The following ARHGEF18 variants were observed in gnomAD, a reference collection of about 807,000 sequenced individuals.
ARHGEF18 encodes Rho/Rac guanine nucleotide exchange factor 18, also known as rho guanine nucleotide exchange factor 18.
Under a neutral mutation model 155.7 loss-of-function variants are expected in ARHGEF18, and 93 were observed. The ratio of observed to expected loss-of-function variants is 0.60; its 90% confidence interval spans 0.50 to 0.71. The LOEUF is 0.71. Ranked by LOEUF, ARHGEF18 falls within the 30% of genes least tolerant of loss-of-function variation. The pLI is 0.00. For missense variants in ARHGEF18, 1,593 were observed against 1,816.1 expected, an observed-to-expected ratio of 0.88 and a Z score of 2.23; for synonymous variants, 742 against 753.1, an observed-to-expected ratio of 0.99 and a Z score of 0.24.
intron 27 of ARHGEF18, 87 bp downstream of exon 27, chr19:7,469,218 C>T (rs1228485024): frequency 3.5e-6 from 5 of 1,414,694 alleles, no homozygotes; most frequent in Non-Finnish European, 4.7e-6. Flanking sequence ...AAATTCGGGA[C>T]ACCTGTGCCA....
intron 7 of ARHGEF18, among the ~76,000 whole-genome samples, chr19:7,379,519 A>AT (rs1568280595): frequency 2.0e-5 from 3 of 152,188 alleles, no homozygotes; most frequent in African/African-American, 7.2e-5. Context: ...AGACTGCACC[A>AT]TTGTACTCCA....
chr19:7,400,133 A>G (rs991483265), intron 10 of ARHGEF18, among the ~76,000 whole-genome samples: 6 of 152,194 alleles, frequency 3.9e-5, no homozygotes, highest in Non-Finnish European at 8.8e-5. Flanking sequence ...CACTAACAGT[A>G]CACGTTTAAC....
Position 7,440,577 on chromosome 19 carries a change from T to C in ARHGEF18, c.1106+95T>C. ...TCGGAGGGAGACCCCGACTTAGATCTGTGTGAATCCACACGGCAGCCCCCG... is the reference window on the plus strand; with the variant it reads ...TCGGAGGGAGACCCCGACTTAGATCCGTGTGAATCCACACGGCAGCCCCCG... On this transcript the variant is annotated intron_variant, in intron 11 of 28. Coordinates refer to ENST00000668164, the MANE Select transcript of ARHGEF18 (RefSeq NM_001367823.1). The surrounding 1 kb of genome is among the most constrained non-coding windows in gnomAD (Gnocchi z 5.4). 2.1e-6 allele frequency: 3 copies of C among 1,397,994 alleles called. No individual in the cohort carries two copies. Among genetic ancestry groups the C allele is most frequent in the Non-Finnish European group, 2.9e-6 (3 of 1,044,788 alleles). 86.6% of individuals were successfully genotyped at this position (1,397,994 alleles called of 1,614,324 possible).
Position 7,444,187 on chromosome 19 carries a change from C to A in ARHGEF18, c.1361-17C>A. ...TGGAGCCAGCATGGCTAAGTCCTGC[C>A]GTCTGTGTCCCTGCAGAGCTGATGC... On this transcript the variant is annotated splice_polypyrimidine_tract_variant and intron_variant, in intron 13 of 28. Transcript: ENST00000668164. The surrounding 1 kb of genome is among the most constrained non-coding windows in gnomAD (Gnocchi z 4.7). 1 of 1,607,332 alleles carries A rather than the reference C, an allele frequency of 6.2e-7. No individual in the cohort carries two copies. Among genetic ancestry groups the A allele is most frequent in the Non-Finnish European group, 8.5e-7 (1 of 1,175,454 alleles).
intron 10 of ARHGEF18, among the ~76,000 whole-genome samples, chr19:7,400,435 C>T (rs983218284): frequency 2.6e-5 from 4 of 152,076 alleles, no homozygotes; most frequent in Non-Finnish European, 5.9e-5. Context: ...CTACAAGCAT[C>T]AGCCACCATA....
In ARHGEF18 at chr19:7,469,693, G is replaced by A. The variant is rs10426840; in HGVS notation, c.3788-211G>A. 0.018 allele frequency among the ~76,000 whole-genome samples: 2,722 copies of A among 152,218 alleles called. 69 individuals are homozygous for A. The highest frequency in any genetic ancestry group is 0.062 in the African/African-American group (2,554 of 41,522). Reference sequence around the variant, plus strand: ...AGGCTCAGCCTCCTCTCCAGATGCCGGGTGACTCTGCAGGTCCTTCCGCAG... The same window carrying A: ...AGGCTCAGCCTCCTCTCCAGATGCCAGGTGACTCTGCAGGTCCTTCCGCAG... On this transcript the variant is annotated intron_variant, in intron 27 of 28. Transcript: ENST00000668164.
Position 7,395,236 on chromosome 19 carries a change from G to C in ARHGEF18, c.967+12033G>C. ...AGCTGGCGGAGAGCGGCCTGCGGGC[G>C]ATCGGGCCGAGGTGAGGACGGCGGC... On this transcript the variant is annotated intron_variant, in intron 10 of 28. Transcript: ENST00000668164. The surrounding 1 kb of genome is among the most constrained non-coding windows in gnomAD (Gnocchi z 5.0). 1 of 987,182 alleles carries C rather than the reference G, an allele frequency of 1.0e-6. No homozygotes were observed. Among genetic ancestry groups the C allele is most frequent in the Non-Finnish European group, 1.2e-6 (1 of 831,410 alleles). 61.2% of individuals were successfully genotyped at this position (987,182 alleles called of 1,614,324 possible). A position where few individuals can be genotyped will look rare whatever the true frequency, so the allele number is the denominator to read the frequency against.
chr19:7,439,966 T>C, intron 10 of ARHGEF18: 1 of 1,535,500 alleles, frequency 6.5e-7, no homozygotes, highest in Non-Finnish European at 8.8e-7. Context: ...ACCAATATCC[T>C]GCCCTCCAGA....
downstream of ARHGEF18, chr19:7,477,241 C>A: frequency 6.4e-7 from 1 of 1,550,814 alleles, no homozygotes; most frequent in Non-Finnish European, 8.7e-7. Flanking sequence ...CGGCCCGGGC[C>A]GCCTGGTACA....
chr19:7,429,373 C>T (rs139330154), intron 10 of ARHGEF18, among the ~76,000 whole-genome samples: 1,601 of 152,236 alleles, frequency 0.011, 37 homozygotes, highest in African/African-American at 0.036. Flanking sequence ...GAGGCCAAGG[C>T]AGGCAGATCA....
intron 10 of ARHGEF18, among the ~76,000 whole-genome samples, chr19:7,398,699 A>AT (rs1568297960): frequency 8.1e-5 from 12 of 148,966 alleles, no homozygotes; most frequent in African/African-American, 3.1e-4. Context: ...TCAAAAAAAA[A>AT]AAAAAAAATA....
chr19:7,410,067 C>T (rs2113009), intron 10 of ARHGEF18, among the ~76,000 whole-genome samples: 87,078 of 151,250 alleles, frequency 0.58, 27,378 homozygotes, highest in Middle Eastern at 0.77. Context: ...GGATTACAGG[C>T]GTGAGCCATC....
intron 13 of ARHGEF18, among the ~76,000 whole-genome samples, chr19:7,442,992 C>A (rs1456415628): frequency 6.6e-6 from 1 of 151,780 alleles, no homozygotes; most frequent in Non-Finnish European, 1.5e-5. Flanking sequence ...CAGGTTCAAG[C>A]AATTGTCCTG....
Position 7,376,705 on chromosome 19 carries a change from C to G in ARHGEF18, c.489C>G (p.Ile163Met). 8.1e-7 allele frequency: 1 copy of G among 1,234,450 alleles called. No homozygotes were observed. Among genetic ancestry groups the G allele is most frequent in the Non-Finnish European group, 1.0e-6 (1 of 988,226 alleles). 76.5% of individuals were successfully genotyped at this position (1,234,450 alleles called of 1,614,324 possible). The change falls in exon 5 of 29, where the codon ATC becomes ATG. Residue 163 changes from isoleucine (I) to methionine (M), a missense_variant. Physicochemically the swap from Ile to Met is conservative, Grantham distance 10. Transcript: ENST00000668164. ...CCGTTCCTGTGTCCTTCTATGAGAT[C>G]CGCTCTCCGGAAATCTCTCCGGGTT... ...SRSVPVSFYE[I>M]RSPEISPGLE... is the part of the protein sequence containing the mutation.
At chr19:7,466,129 AT>A (rs1172938469) in intron 23 of ARHGEF18, among the ~76,000 whole-genome samples, 1 of 151,914 alleles carries the variant, frequency 6.6e-6, no homozygotes, top group African/African-American at 2.4e-5. Flanking sequence ...CACGCCTGTA[AT>A]CCCAGCACTT....
chr19:7,404,953 G>A (rs886733348), intron 10 of ARHGEF18, among the ~76,000 whole-genome samples: 1 of 147,796 alleles, frequency 6.8e-6, no homozygotes, highest in East Asian at 1.9e-4. Context: ...ACAGACTCGG[G>A]TGCTTTATTT....
intron 1 of ARHGEF18, chr19:7,355,632 C>G: frequency 1.0e-6 from 1 of 985,464 alleles, no homozygotes; most frequent in Non-Finnish European, 1.2e-6. Flanking sequence ...GCCCCCATGG[C>G]TGACTCGGTG....
At chr19:7,355,068 TCACACACACA>T (rs60457716) in intron 1 of ARHGEF18, among the ~76,000 whole-genome samples, 2,728 of 146,588 alleles carry the variant, frequency 0.019, 59 homozygotes, top group East Asian at 0.058. Context: ...CCAATGGGCT[TCACACACACA>T]CACACACACA....
At chr19:7,442,084 C>G (rs777505960) in intron 13 of ARHGEF18, 32 bp downstream of exon 13, 5 of 1,610,968 alleles carry the variant, frequency 3.1e-6, no homozygotes, top group Non-Finnish European at 4.2e-6. Context: ...GCCATCACAC[C>G]GGCCCTCCAC....
Sources: gnomAD v4.1 joint callset for allele counts (sites outside exome capture counted in the v4.1 genomes callset) on GRCh38, gnomAD v4.1.1 for gene constraint, Gnocchi (gnomAD v3.1) non-coding constraint, MANE v1.5 for transcripts, NCBI Gene and HGNC (gene_info 2026-07-23, HGNC 2026-07-21) for gene names.